The following ADGRL2 variants were observed in gnomAD, a reference collection of about 807,000 sequenced individuals.
ADGRL2 encodes adhesion G protein-coupled receptor L2.
Under a neutral mutation model 157.4 loss-of-function variants are expected in ADGRL2, and 44 were observed. The ratio of observed to expected loss-of-function variants is 0.28; its 90% confidence interval spans 0.22 to 0.36. ADGRL2 has a LOEUF of 0.36. ADGRL2 is among the 10% of genes least tolerant of loss of function. The probability of loss-of-function intolerance (pLI) is 1.00; values close to 1 mark genes in which losing one functional copy is unlikely to be tolerated. For synonymous variants in ADGRL2, 585 were observed against 624.7 expected (o/e 0.94, Z 0.95); for missense variants, 1,510 against 1,768.9 (o/e 0.85, Z 2.63).
intron 1 of ADGRL2, among the ~76,000 whole-genome samples, chr1:81,358,477 C>T (rs2100891419): frequency 6.6e-6 from 1 of 152,252 alleles, no homozygotes; most frequent in South Asian, 2.1e-4. Context: ...GTCTGAGCCC[C>T]TGAATAATCC....
chr1:81,636,599 C>CCATT (rs750084146), intron 3 of ADGRL2, among the ~76,000 whole-genome samples: 25 of 152,004 alleles, frequency 1.6e-4, no homozygotes, highest in Non-Finnish European at 3.4e-4. Context: ...AGCTTTAAAG[C>CCATT]CATTACCCAT....
At chr1:81,759,435 A>C (rs2085795978) in intron 1 of ADGRL2, among the ~76,000 whole-genome samples, 1 of 152,190 alleles carries the variant, frequency 6.6e-6, no homozygotes, top group Admixed American at 6.5e-5. Flanking sequence ...AGAGTTTAAA[A>C]AATTTTTACT....
At chr1:81,571,452 C>T (rs1051114661) in intron 2 of ADGRL2, among the ~76,000 whole-genome samples, 2 of 146,146 alleles carry the variant, frequency 1.4e-5, no homozygotes, top group Admixed American at 6.9e-5. Flanking sequence ...TATACACACA[C>T]ATATATATAT....
intron 2 of ADGRL2, among the ~76,000 whole-genome samples, chr1:81,784,621 C>A (rs1974312): frequency 2.0e-5 from 3 of 151,452 alleles, no homozygotes; most frequent in African/African-American, 2.4e-5. Context: ...CCAGCTATTC[C>A]GGAGGCTGAG....
chr1:81,789,675 C>T (rs1167417350), intron 2 of ADGRL2, among the ~76,000 whole-genome samples: 1 of 141,490 alleles, frequency 7.1e-6, no homozygotes, highest in African/African-American at 2.7e-5. Flanking sequence ...GCAGTGAGCG[C>T]CTGGTGACAG....
intron 2 of ADGRL2, among the ~76,000 whole-genome samples, chr1:81,851,734 T>TTGTGTGTGTG (rs5775643): frequency 0.12 from 17,326 of 146,222 alleles, 1,137 homozygotes; most frequent in Non-Finnish European, 0.15. Flanking sequence ...CCACTTAAAT[T>TTGTGTGTGTG]TGTGTGTGTG....
At chr1:81,456,645 A>G (rs1018470659) in intron 2 of ADGRL2, among the ~76,000 whole-genome samples, 1 of 150,768 alleles carries the variant, frequency 6.6e-6, no homozygotes, top group African/African-American at 2.5e-5. Context: ...ATTTTCATTT[A>G]TACTTTCATC....
At chr1:81,836,505 T>C (rs2150186241) in intron 1 of ADGRL2, among the ~76,000 whole-genome samples, 1 of 152,196 alleles carries the variant, frequency 6.6e-6, no homozygotes, top group African/African-American at 2.4e-5. Flanking sequence ...AAATACTAAG[T>C]CATACTCCTG....
At chr1:81,575,570 G>A (rs564130614) in intron 2 of ADGRL2, among the ~76,000 whole-genome samples, 52 of 152,172 alleles carry the variant, frequency 3.4e-4, no homozygotes, top group Middle Eastern at 3.4e-3. Context: ...GAATTTAAAC[G>A]GGAAGCATAT....
chr1:81,331,189 G>A (rs1456403918), intron 1 of ADGRL2, among the ~76,000 whole-genome samples: 1 of 152,124 alleles, frequency 6.6e-6, no homozygotes, highest in Non-Finnish European at 1.5e-5. Context: ...CTCATACCGT[G>A]TGTAATTGCT....
In ADGRL2 at chr1:81,968,182, G is replaced by T. The variant is rs1336359857; in HGVS notation, c.2506G>T (p.Ala836Ser). The change falls in exon 14 of 24, where the codon GCC becomes TCC. Residue 836 changes from alanine to serine, a missense_variant. Around this residue, in one of 4 missense-constraint regions of ADGRL2, gnomAD observed 497 missense variants for 627.2 expected, o/e 0.79. Coordinates refer to ENST00000686636, the MANE Select transcript of ADGRL2 (RefSeq NM_001366006.2). ...CCTAACCAATTTTGCAATTCTCATGGCCCACAGGGAAATTGCAGTAAGTAT... is the reference window on the plus strand; with the variant it reads ...CCTAACCAATTTTGCAATTCTCATGTCCCACAGGGAAATTGCAGTAAGTAT... The part of the protein sequence containing the change: ...SHLTNFAILM[A>S]HREIAYKDGV... The T allele has an allele frequency of 6.2e-7, 1 of 1,611,042 alleles. No homozygotes were observed. Among genetic ancestry groups the T allele is most frequent in the Non-Finnish European group, 8.5e-7 (1 of 1,179,284 alleles).
intron 3 of ADGRL2, among the ~76,000 whole-genome samples, chr1:81,604,280 T>G (rs984171749): frequency 5.3e-5 from 8 of 152,170 alleles, no homozygotes; most frequent in African/African-American, 1.9e-4. Context: ...GAACCCAACA[T>G]CTTAAACAGA....
chr1:81,412,203 A>G (rs950613881), intron 1 of ADGRL2, among the ~76,000 whole-genome samples: 2 of 152,184 alleles, frequency 1.3e-5, no homozygotes, highest in East Asian at 3.9e-4. Context: ...ACAGAATAAG[A>G]GCCAGGATTC....
intron 1 of ADGRL2, among the ~76,000 whole-genome samples, chr1:81,382,151 A>T (rs150221051): frequency 6.6e-6 from 1 of 152,310 alleles, no homozygotes; most frequent in East Asian, 1.9e-4. Context: ...TTATATAATC[A>T]TAATTATATA....
At chr1:81,664,734 A>G (rs980402117) in intron 3 of ADGRL2, among the ~76,000 whole-genome samples, 1 of 152,212 alleles carries the variant, frequency 6.6e-6, no homozygotes, top group Non-Finnish European at 1.5e-5. Flanking sequence ...CAAATGATAT[A>G]GCATTGCAAT....
In ADGRL2 at chr1:81,993,052, AATATACATATATATAT is replaced by A. The variant is rs1258112222; in HGVS notation, c.*1913_*1928del. On this transcript the variant is annotated 3_prime_UTR_variant, in exon 24 of 24. Coordinates refer to ENST00000686636, the MANE Select transcript of ADGRL2 (RefSeq NM_001366006.2). The stretch of plus-strand genomic sequence containing the variant: ...ATTTAAAAATTAAGTGCATATATAT[AATATACATATATATAT>A]ATATATATATATATATATATTTTTT... Among the ~76,000 whole-genome samples, 2 of 85,298 alleles carry A rather than the reference AATATACATATATATAT, an allele frequency of 2.3e-5. No individual in the cohort carries two copies. Among genetic ancestry groups the A allele is most frequent in the African/African-American group, 5.5e-5 (1 of 18,284 alleles). The allele number at this position is 85,298 out of a possible 152,430, so 56.0% of individuals were successfully genotyped here.
intron 1 of ADGRL2, among the ~76,000 whole-genome samples, chr1:81,394,072 T>C (rs897677181): frequency 3.9e-5 from 6 of 152,098 alleles, no homozygotes; most frequent in Non-Finnish European, 7.4e-5. Context: ...AATTACAATA[T>C]GTAGTTGCCT....
chr1:81,599,007 G>A (rs1349379166), intron 3 of ADGRL2, among the ~76,000 whole-genome samples: 1 of 152,158 alleles, frequency 6.6e-6, no homozygotes, highest in African/African-American at 2.4e-5. Context: ...GTATATATAG[G>A]GTAGCATAAG....
intron 1 of ADGRL2, among the ~76,000 whole-genome samples, chr1:81,343,333 C>T (rs913594775): frequency 6.6e-6 from 1 of 151,986 alleles, no homozygotes; most frequent in African/African-American, 2.4e-5. Context: ...CAAGCAATCC[C>T]CCTACCTCAG....
Sources: allele counts gnomAD v4.1 joint callset (sites outside exome capture counted in the v4.1 genomes callset), GRCh38; gene constraint gnomAD v4.1.1; regional missense constraint gnomAD v4.1.1; transcripts MANE v1.5; gene names NCBI Gene and HGNC (gene_info 2026-07-23, HGNC 2026-07-21).